DNAAF5: variants seen among roughly 807,000 people sequenced by gnomAD.
The protein encoded by DNAAF5 is HEAT repeat containing 2.
DNAAF5 carries 64 observed loss-of-function variants against 75.8 expected under a neutral mutation model. The observed-to-expected ratio is 0.84, with a 90% CI of 0.69 to 1.04. The LOEUF is 1.04. DNAAF5 is among the 50% of genes least tolerant of loss of function. The probability of loss-of-function intolerance (pLI) is 0.00; values close to 1 mark genes in which losing one functional copy is unlikely to be tolerated. For synonymous variants in DNAAF5, 657 were observed against 557.2 expected, an observed-to-expected ratio of 1.18 and a Z score of -2.52; for missense variants, 1,269 against 1,178.5, an observed-to-expected ratio of 1.08 and a Z score of -1.12.
chr7:785,697 C>T lies in DNAAF5; in HGVS notation c.*44C>T, dbSNP rs368408984. The T allele has an allele frequency of 5.0e-6, 8 of 1,599,244 alleles. No individual in the cohort carries two copies. Among genetic ancestry groups the T allele is most frequent in the Non-Finnish European group, 6.0e-6 (7 of 1,172,168 alleles). On this transcript the variant is annotated 3_prime_UTR_variant, in exon 13 of 13. Transcript: ENST00000297440. ...CGGCACACCCTTGTCCCCACCTGAG[C>T]CAGAGTTTGTGGCCTTTAAATCTCA...
At chr7:768,868 TAG>T in intron 8 of DNAAF5, 1 of 449,780 alleles carries the variant, frequency 2.2e-6, no homozygotes, top group Middle Eastern at 6.0e-4. Flanking sequence ...GTTTAAGATG[TAG>T]AGAGGGTGAA....
chr7:778,295 T>C (rs1297594305), intron 11 of DNAAF5: 1 of 152,240 alleles, frequency 6.6e-6, no homozygotes, highest in Admixed American at 6.5e-5. Context: ...CCTGTTTATT[T>C]TCACTACAAA....
At chr7:749,264 G>C (rs1261373358) in intron 4 of DNAAF5, among the ~76,000 whole-genome samples, 6 of 152,222 alleles carry the variant, frequency 3.9e-5, no homozygotes, top group Non-Finnish European at 8.8e-5. Context: ...AGATGGCTTG[G>C]TGACAGCGGC....
chr7:739,670 C>T (rs2128072375), intron 2 of DNAAF5, among the ~76,000 whole-genome samples: 1 of 152,348 alleles, frequency 6.6e-6, no homozygotes, highest in South Asian at 2.1e-4. Context: ...TGAACTTGCC[C>T]TCCCCTCACG....
chr7:741,002 G>A, intron 3 of DNAAF5, 59 bp downstream of exon 3: 1 of 1,584,372 alleles, frequency 6.3e-7, no homozygotes, highest in African/African-American at 1.3e-5. Flanking sequence ...TAGCAGTGGT[G>A]GTTTCTCTTT....
intron 2 of DNAAF5, 50 bp from the exon 3 acceptor site, chr7:740,769 C>T (rs369995739): frequency 1.6e-5 from 25 of 1,606,246 alleles, no homozygotes; most frequent in African/African-American, 2.7e-5. Context: ...GCGTCAGCCC[C>T]GGCATCCCCT....
chr7:764,338 C>T (rs1004736112), intron 8 of DNAAF5, among the ~76,000 whole-genome samples: 2 of 152,206 alleles, frequency 1.3e-5, no homozygotes, highest in Non-Finnish European at 2.9e-5. Context: ...GGGGCCTTAG[C>T]CCCAGCCCCT....
At chr7:746,077 C>T (rs141411751) in intron 4 of DNAAF5, among the ~76,000 whole-genome samples, 1 of 152,220 alleles carries the variant, frequency 6.6e-6, no homozygotes, top group Non-Finnish European at 1.5e-5. Context: ...TTTCTCCAGT[C>T]TGTAGATTTG....
At chr7:769,713 A>G (rs1000676327) in intron 8 of DNAAF5, among the ~76,000 whole-genome samples, 4 of 152,310 alleles carry the variant, frequency 2.6e-5, no homozygotes, top group Non-Finnish European at 4.4e-5. Context: ...GCTGGAGTGC[A>G]ATAGTGCGAT....
intron 2 of DNAAF5, among the ~76,000 whole-genome samples, chr7:733,806 T>C (rs1781655565): frequency 6.6e-6 from 1 of 152,182 alleles, no homozygotes; most frequent in Non-Finnish European, 1.5e-5. Flanking sequence ...ATAGTTTTCA[T>C]TGTAGAGATC....
In DNAAF5 at chr7:741,775, G is replaced by C. The variant is rs62432213; in HGVS notation, c.1024+310G>C. Among the ~76,000 whole-genome samples the C allele has an allele frequency of 0.79, 119,751 of 152,146 alleles. 47,413 individuals carry two copies. Among genetic ancestry groups the C allele is most frequent in the South Asian group, 0.87 (4,211 of 4,828 alleles). ...TGCCAGATGGTGTCCGCCCCCCTCC[G>C]TTGGCTGTGCACACAAGGGTGCATT... On this transcript the variant is annotated intron_variant, in intron 4 of 12. Transcript: ENST00000297440.
chr7:738,170 T>C (rs1217724318), intron 2 of DNAAF5, among the ~76,000 whole-genome samples: 1 of 152,244 alleles, frequency 6.6e-6, no homozygotes. Context: ...TCACTAATTC[T>C]TTCTTCCACA....
intron 8 of DNAAF5, chr7:768,650 GC>G (rs973631809): frequency 6.5e-6 from 1 of 154,790 alleles, no homozygotes; most frequent in African/African-American, 2.4e-5. Context: ...CAGATGGGTG[GC>G]CCGGGCAGAA....
chr7:774,974 T>G (rs112655650), intron 10 of DNAAF5, 32 bp from the exon 11 acceptor site: 1 of 1,612,166 alleles, frequency 6.2e-7, no homozygotes, highest in Non-Finnish European at 8.5e-7. Context: ...AGGACAGATG[T>G]GAGTCACGTC....
intron 10 of DNAAF5, among the ~76,000 whole-genome samples, chr7:774,550 G>GAGCACA: frequency 9.4e-6 from 1 of 106,844 alleles, no homozygotes; most frequent in South Asian, 3.1e-4. Context: ...GGACGGGCCT[G>GAGCACA]GGCTTTCCGC....
chr7:728,109 C>T (rs1404974100), intron 1 of DNAAF5, among the ~76,000 whole-genome samples: 3 of 152,116 alleles, frequency 2.0e-5, no homozygotes, highest in Admixed American at 1.3e-4. Context: ...CACTTTATAA[C>T]GTTCCCCATC....
chr7:756,001 G>GT lies in DNAAF5; in HGVS notation c.1258-781_1258-780insT, dbSNP rs2128078677. Among the ~76,000 whole-genome samples the GT allele has an allele frequency of 4.2e-5, 2 of 47,072 alleles. 1 individual carries two copies. Among genetic ancestry groups the GT allele is most frequent in the Non-Finnish European group, 9.2e-5 (2 of 21,830 alleles). 30.9% of individuals were successfully genotyped at this position (47,072 alleles called of 152,430 possible). A position where few individuals can be genotyped will look rare whatever the true frequency, so the allele number is the denominator to read the frequency against. On this transcript the variant is annotated intron_variant, in intron 5 of 12. Coordinates refer to ENST00000297440, the MANE Select transcript of DNAAF5 (RefSeq NM_017802.4). ...TGGAATCCCACAGTGCAGAGGGGCT[G>GT]GTGTGTGTGATCCGGTGTGAAATCC...
At chr7:775,299 A>C in intron 11 of DNAAF5, 137 bp downstream of exon 11, 1 of 786,528 alleles carries the variant, frequency 1.3e-6, no homozygotes, top group Non-Finnish European at 2.1e-6. Context: ...CACACCTTTA[A>C]TTCCAGCACT....
In DNAAF5 at chr7:763,877, C is replaced by G. The variant is rs201303241; in HGVS notation, c.1686C>G (p.His562Gln). 53 of 1,613,360 alleles carry G rather than the reference C, an allele frequency of 3.3e-5. No homozygotes were observed. The East Asian group carries it at 1.0e-3, about 31-fold the overall frequency. Residue 562 changes from histidine to glutamine, a missense_variant, in exon 8 of 13, where the codon CAC (histidine) becomes CAG (glutamine). Physicochemically the swap from His to Gln is conservative, Grantham distance 24 (BLOSUM62 0). Transcript: ENST00000297440. The part of the protein sequence containing the change: ...VSSCQDLYRK[H>Q]IGPLLERVTA... The stretch of plus-strand genomic sequence containing the variant: ...GCTGCCAGGACCTCTACCGCAAGCA[C>G]ATTGGTCCCCTCCTGGAGCGGGTGA...
Sources: gnomAD v4.1 joint callset for allele counts (sites outside exome capture counted in the v4.1 genomes callset) on GRCh38, gnomAD v4.1.1 for gene constraint, MANE v1.5 for transcripts, NCBI Gene and HGNC (gene_info 2026-07-23, HGNC 2026-07-21) for gene names.